SARAF: variants seen among roughly 807,000 people sequenced by gnomAD.
The protein encoded by SARAF is store-operated calcium entry associated regulatory factor, also known as store-operated calcium entry-associated regulatory factor.
A neutral mutation model predicts 39.7 loss-of-function variants in SARAF; 23 were observed. The ratio of observed to expected loss-of-function variants is 0.58; its 90% CI spans 0.42 to 0.82. The LOEUF (loss-of-function observed/expected upper bound fraction) is 0.82. Among genes scored for constraint, SARAF ranks in the 40% least tolerant of loss-of-function variants. The pLI is 0.00. For missense variants in SARAF, 384 were observed against 418.5 expected, an observed-to-expected ratio of 0.92 and a Z score of 0.72; for synonymous variants, 175 against 168.5, an observed-to-expected ratio of 1.04 and a Z score of -0.30.
chr8:30,066,631 G>T, intron 4 of SARAF, 146 bp downstream of exon 4: 1 of 959,852 alleles, frequency 1.0e-6, no homozygotes, highest in Non-Finnish European at 1.6e-6. Flanking sequence ...CAAATATAGT[G>T]TACCTTCCCC....
At chr8:30,073,236 C>G (rs994818195) in intron 2 of SARAF, among the ~76,000 whole-genome samples, 1 of 152,204 alleles carries the variant, frequency 6.6e-6, no homozygotes. Context: ...CGTCTTAAAT[C>G]AATTTTGAAA....
chr8:30,083,069 G>A (rs1180113958), upstream of SARAF: 1 of 666,874 alleles, frequency 1.5e-6, no homozygotes, highest in East Asian at 3.3e-5. Context: ...GGAACGGCCC[G>A]ACTGCAGAGC....
chr8:30,083,108 C>T (rs1802151908), upstream of SARAF: 3 of 549,296 alleles, frequency 5.5e-6, no homozygotes, highest in South Asian at 7.1e-5. Context: ...GTGCGCCAAC[C>T]CTACGTCACT....
intron 3 of SARAF, among the ~76,000 whole-genome samples, chr8:30,068,733 G>A (rs1801752504): frequency 6.6e-6 from 1 of 152,000 alleles, no homozygotes; most frequent in Non-Finnish European, 1.5e-5. Flanking sequence ...ATTTACAGGA[G>A]TTCATTTTAT....
chr8:30,067,574 T>A (rs974148846), intron 3 of SARAF, among the ~76,000 whole-genome samples: 21 of 152,216 alleles, frequency 1.4e-4, no homozygotes, highest in African/African-American at 5.1e-4. Flanking sequence ...AGATCAGCAC[T>A]ACTTTAACTT....
intron 1 of SARAF, among the ~76,000 whole-genome samples, chr8:30,079,577 AAC>A (rs1802053500): frequency 1.3e-5 from 2 of 152,272 alleles, no homozygotes; most frequent in African/African-American, 4.8e-5. Context: ...AATTTATTGT[AAC>A]AGAGTTGCAA....
Position 30,069,672 on chromosome 8 carries a change from G to C in SARAF, c.670C>G (p.Pro224Ala). The C allele has an allele frequency of 1.9e-6, 3 of 1,614,084 alleles. No homozygotes were observed. The highest frequency in any genetic ancestry group is 2.5e-6 in the Non-Finnish European group (3 of 1,180,026). ...AACTCAGACTTAAAGCCTGGGGGAG[G>C]AGGTCCTGCTGAGTTGGTGAATCTC... is the stretch of plus-strand genomic sequence containing the variant. The part of the protein sequence containing the change: ...YQRFTNSAGP[P>A]PPGFKSEFTG... The change falls in exon 3 of 6, where the codon CCT becomes GCT. Residue 224 changes from proline (P) to alanine (A), a missense_variant. Coordinates refer to ENST00000256255, the MANE Select transcript of SARAF (RefSeq NM_016127.6).
intron 2 of SARAF, among the ~76,000 whole-genome samples, chr8:30,070,756 C>T (rs552722016): frequency 6.6e-6 from 1 of 152,068 alleles, no homozygotes; most frequent in Non-Finnish European, 1.5e-5. Context: ...GATGTTAAGG[C>T]TCAAAACAGC....
intron 2 of SARAF, among the ~76,000 whole-genome samples, chr8:30,072,145 A>T (rs1424248996): frequency 6.6e-6 from 1 of 152,134 alleles, no homozygotes; most frequent in African/African-American, 2.4e-5. Context: ...CTTCCTACTG[A>T]GTGTGAAGTG....
At position 30,073,782 on chromosome 8, in the gene SARAF, C is replaced by T. The variant is rs1364565241; in HGVS notation, c.282+95G>A. ...ATATTTTAGGCTGATCTGAGATTTC[C>T]GTAGGTGCACCCTCAAAAGACTGAA... On this transcript the variant is annotated intron_variant, in intron 2 of 5. Transcript: ENST00000256255. 31 of 1,084,854 alleles carry T rather than the reference C, an allele frequency of 2.9e-5. No individual in the cohort carries two copies. In the Admixed American group the frequency reaches 4.7e-4, roughly 17 times the overall value. 67.2% of individuals were successfully genotyped at this position (1,084,854 alleles called of 1,614,324 possible).
intron 3 of SARAF, 188 bp from the exon 4 acceptor site, chr8:30,067,106 TC>T: frequency 1.6e-6 from 1 of 628,464 alleles, no homozygotes; most frequent in South Asian, 2.1e-5. Context: ...GGAGAGCATT[TC>T]CCATAGATAT....
At position 30,066,919 on chromosome 8, in the gene SARAF, C is replaced by T. The variant is rs753715194; in HGVS notation, c.701-1G>A. 6.2e-7 allele frequency: 1 copy of T among 1,613,302 alleles called. No homozygotes were observed. Among genetic ancestry groups the T allele is most frequent in the Non-Finnish European group, 8.5e-7 (1 of 1,179,752 alleles). On this transcript the variant is annotated splice_acceptor_variant, in intron 3 of 5. Transcript: ENST00000256255. LOFTEE classifies it high-confidence loss of function. ...GCACCATGGCCAGTATTCTGTGGTCCTTAAAATAAAAATGATTTATTATGT... is the reference window on the plus strand; with the variant it reads ...GCACCATGGCCAGTATTCTGTGGTCTTTAAAATAAAAATGATTTATTATGT...
At chr8:30,072,462 C>T (rs1021851355) in intron 2 of SARAF, among the ~76,000 whole-genome samples, 1 of 152,132 alleles carries the variant, frequency 6.6e-6, no homozygotes, top group African/African-American at 2.4e-5. Context: ...TCTTTTGTTG[C>T]TGTTACTACA....
chr8:30,070,329 A>C (rs548330655), intron 2 of SARAF, among the ~76,000 whole-genome samples: 132 of 152,176 alleles, frequency 8.7e-4, no homozygotes, highest in African/African-American at 3.1e-3. Context: ...AATCACTTGA[A>C]CCTGGGAGGT....
intron 1 of SARAF, among the ~76,000 whole-genome samples, chr8:30,079,758 A>C (rs1328841448): frequency 6.6e-6 from 1 of 152,206 alleles, no homozygotes; most frequent in Non-Finnish European, 1.5e-5. Context: ...TGAGTACTTG[A>C]AGCATAACAG....
Position 30,070,013 on chromosome 8 carries a change from GT to G in SARAF, c.328del (p.Thr110LeufsTer3), listed in dbSNP as rs1473365117. 82 of 1,612,152 alleles carry G rather than the reference GT, an allele frequency of 5.1e-5. No homozygotes were observed. The highest frequency in any genetic ancestry group is 6.4e-5 in the Non-Finnish European group (76 of 1,179,622). Reference sequence around the variant, plus strand: ...CTCATAGCCTTCACAGCTCACCACAGTTTTTCCAAATTTGTATGCAATATCT... The same window carrying G: ...CTCATAGCCTTCACAGCTCACCACAGTTTTCCAAATTTGTATGCAATATCT... ...DLDIAYKFGK[T>X]VVSCEGYESS... On this transcript the variant is annotated frameshift_variant, in exon 3 of 6. Transcript: ENST00000256255. LOFTEE classifies it high-confidence loss of function.
chr8:30,067,138 T>G, intron 3 of SARAF: 2 of 535,644 alleles, frequency 3.7e-6, no homozygotes, highest in East Asian at 3.3e-5. Context: ...GGATAGATTT[T>G]GGGACTGGGG....
Position 30,073,992 on chromosome 8 carries a change from C to A in SARAF, c.167G>T (p.Arg56Leu). The stretch of plus-strand genomic sequence containing the variant: ...CAACTGTGGGATGGGATCCAGCCTG[C>A]GGGAGGTGGTATAGCGGTCATAGTG... ...TLHYDRYTTS[R>L]RLDPIPQLKC... The change falls in exon 2 of 6, where the codon CGC (arginine) becomes CTC (leucine). Residue 56 changes from arginine to leucine, a missense_variant. Coordinates refer to ENST00000256255, the MANE Select transcript of SARAF (RefSeq NM_016127.6). 2 of 1,614,070 alleles carry A rather than the reference C, an allele frequency of 1.2e-6. No individual in the cohort carries two copies. Among genetic ancestry groups the A allele is most frequent in the South Asian group, 1.1e-5 (1 of 91,076 alleles).
At chr8:30,066,719 G>T in intron 4 of SARAF, 58 bp downstream of exon 4, 1 of 1,570,944 alleles carries the variant, frequency 6.4e-7, no homozygotes. Context: ...CAGTTAAATT[G>T]TAAGCAAAAC....
Sources: allele counts gnomAD v4.1 joint callset (sites outside exome capture counted in the v4.1 genomes callset), GRCh38; gene constraint gnomAD v4.1.1; transcripts MANE v1.5; gene names NCBI Gene and HGNC (gene_info 2026-07-23, HGNC 2026-07-21).